Variants in SCFD2 observed in about 807,000 individuals in gnomAD.
SCFD2 encodes the protein sec1 family domain-containing protein 2.
In SCFD2, 54 loss-of-function variants were observed where a neutral mutation model predicts 58.9. The observed-to-expected ratio is 0.92, with a 90% confidence interval of 0.74 to 1.15. The LOEUF (loss-of-function observed/expected upper bound fraction) is 1.15. Among genes scored for constraint, SCFD2 ranks in the 50% most tolerant of loss-of-function variants. SCFD2 has a pLI of 0.00. For missense variants in SCFD2, 805 were observed against 836.6 expected, an observed-to-expected ratio of 0.96 and a Z score of 0.47; for synonymous variants, 321 against 335.9, an observed-to-expected ratio of 0.96 and a Z score of 0.49.
chr4:52,948,525 A>T, intron 5 of SCFD2: 1 of 456,540 alleles, frequency 2.2e-6, no homozygotes. Context: ...GTGAAAATGC[A>T]ATTTAATCTG....
intron 2 of SCFD2, among the ~76,000 whole-genome samples, chr4:53,350,488 T>C (rs1161610456): frequency 2.0e-5 from 3 of 152,246 alleles, no homozygotes; most frequent in East Asian, 3.9e-4. Flanking sequence ...TTCATTCTTT[T>C]AGCTACCCAA....
At chr4:53,189,004 A>G (rs1727816949) in intron 4 of SCFD2, among the ~76,000 whole-genome samples, 1 of 152,192 alleles carries the variant, frequency 6.6e-6, no homozygotes, top group African/African-American at 2.4e-5. Context: ...AGGAATGCTC[A>G]TGCAATGTAT....
chr4:52,995,204 G>C (rs114303726), intron 5 of SCFD2, among the ~76,000 whole-genome samples: 5,646 of 152,250 alleles, frequency 0.037, 149 homozygotes, highest in Admixed American at 0.064. Flanking sequence ...TCCCATCTGG[G>C]AGTGATGGGA....
At chr4:53,234,847 A>T (rs1729547230) in intron 4 of SCFD2, among the ~76,000 whole-genome samples, 1 of 152,264 alleles carries the variant, frequency 6.6e-6, no homozygotes, top group Non-Finnish European at 1.5e-5. Flanking sequence ...TAGTTCACCT[A>T]CTATCACAGA....
intron 3 of SCFD2, among the ~76,000 whole-genome samples, chr4:53,274,276 G>A (rs1731264140): frequency 1.3e-5 from 2 of 152,260 alleles, no homozygotes; most frequent in Non-Finnish European, 2.9e-5. Context: ...TTATCATTAT[G>A]TAATACTCTG....
At chr4:53,252,527 C>CA (rs1329117268) in intron 4 of SCFD2, among the ~76,000 whole-genome samples, 2 of 149,788 alleles carry the variant, frequency 1.3e-5, no homozygotes, top group Non-Finnish European at 1.5e-5. Flanking sequence ...GTACTGGTAC[C>CA]AAAACAGAGA....
At chr4:53,273,658 GA>G (rs35872769) in intron 4 of SCFD2, 167 bp downstream of exon 4, 1 of 590,398 alleles carries the variant, frequency 1.7e-6, no homozygotes, top group Non-Finnish European at 2.7e-6. Flanking sequence ...AAACAGGTGT[GA>G]AAAAAGTTTC....
intron 5 of SCFD2, among the ~76,000 whole-genome samples, chr4:53,026,611 T>C (rs1452869391): frequency 6.6e-6 from 1 of 152,166 alleles, no homozygotes; most frequent in Non-Finnish European, 1.5e-5. Flanking sequence ...GTGGATAAAA[T>C]TACAGTGAGA....
intron 4 of SCFD2, among the ~76,000 whole-genome samples, chr4:53,244,405 A>C (rs1729997788): frequency 6.6e-6 from 1 of 152,212 alleles, no homozygotes; most frequent in Non-Finnish European, 1.5e-5. Context: ...CTCAGACCAC[A>C]GTATAATAAA....
chr4:53,238,195 C>T (rs1729734498), intron 4 of SCFD2, among the ~76,000 whole-genome samples: 1 of 142,966 alleles, frequency 7.0e-6, no homozygotes, highest in East Asian at 2.3e-4. Context: ...CCCCCCACCT[C>T]CCTCCCGGAC....
chr4:52,884,422 A>G (rs1718686679), intron 8 of SCFD2, among the ~76,000 whole-genome samples: 2 of 142,712 alleles, frequency 1.4e-5, no homozygotes, highest in South Asian at 4.5e-4. Context: ...TGAGAGTGGA[A>G]GGGAAGACAT....
Position 53,365,614 on chromosome 4 carries a change from C to T in SCFD2, c.328G>A (p.Ala110Thr). The T allele has an allele frequency of 6.2e-7, 1 of 1,614,206 alleles. No individual in the cohort carries two copies. The highest frequency in any genetic ancestry group is 8.5e-7 in the Non-Finnish European group (1 of 1,180,038). Residue 110 changes from alanine to threonine, a missense_variant, in exon 1 of 9, where the codon GCT becomes ACT. Ala to Thr is a moderately conservative substitution (Grantham distance 58). Coordinates refer to ENST00000401642, the MANE Select transcript of SCFD2 (RefSeq NM_152540.4). The surrounding 1 kb of genome is among the most constrained non-coding windows in gnomAD (Gnocchi z 4.3). ...ACATGATTAGCTGTGAGGTGGACAG[C>T]GTGGCTCACGGTTGTGACCACCACA... Reference protein sequence around the residue: ...YCVVVTTVSHAVHLTANHVPA... With the variant: ...YCVVVTTVSHTVHLTANHVPA...
intron 4 of SCFD2, among the ~76,000 whole-genome samples, chr4:53,164,722 T>G (rs12650397): frequency 0.11 from 14,951 of 137,070 alleles, 882 homozygotes; most frequent in East Asian, 0.25. Flanking sequence ...AACCTGGAGG[T>G]GGAGGTTGCA....
intron 5 of SCFD2, among the ~76,000 whole-genome samples, chr4:53,005,701 A>G (rs1721957018): frequency 1.3e-5 from 2 of 152,150 alleles, no homozygotes; most frequent in South Asian, 4.1e-4. Flanking sequence ...AAAACATTCA[A>G]TCAGAGAGAC....
At position 52,904,640 on chromosome 4, in the gene SCFD2, G is replaced by T. The variant is rs78581563; in HGVS notation, c.1842+2817C>A. Among the ~76,000 whole-genome samples, 1,284 of 152,316 alleles carry T rather than the reference G, an allele frequency of 8.4e-3. 23 individuals are homozygous for T. Among genetic ancestry groups the T allele is most frequent in the African/African-American group, 0.029 (1,222 of 41,566 alleles). On this transcript the variant is annotated intron_variant, in intron 7 of 8. Coordinates refer to ENST00000401642, the MANE Select transcript of SCFD2 (RefSeq NM_152540.4). ...GCCCAGGCATAGATTTTATTCATGA[G>T]CTGGATAGATACTGGAAAGGCAGAG...
At chr4:52,949,714 G>A (rs1720537540) in intron 5 of SCFD2, 1 of 152,190 alleles carries the variant, frequency 6.6e-6, no homozygotes, top group South Asian at 2.1e-4. Flanking sequence ...GGACATGCAG[G>A]GACAGAAGGG....
chr4:53,167,337 A>C (rs1365604640), intron 4 of SCFD2, among the ~76,000 whole-genome samples: 1 of 152,200 alleles, frequency 6.6e-6, no homozygotes, highest in African/African-American at 2.4e-5. Context: ...AAGGATTTCC[A>C]GACATGTATT....
At chr4:52,970,150 G>A (rs576770358) in intron 5 of SCFD2, among the ~76,000 whole-genome samples, 1 of 152,304 alleles carries the variant, frequency 6.6e-6, no homozygotes, top group Admixed American at 6.5e-5. Context: ...CATCTCACTG[G>A]GGAGTGTTGG....
intron 4 of SCFD2, among the ~76,000 whole-genome samples, chr4:53,238,114 C>T (rs1729726169): frequency 2.3e-5 from 3 of 130,616 alleles, no homozygotes; most frequent in African/African-American, 2.9e-5. Context: ...TCCTCACTTC[C>T]CAGTAGGGGT....
Sources: gnomAD v4.1 joint callset for allele counts (sites outside exome capture counted in the v4.1 genomes callset) on GRCh38, gnomAD v4.1.1 for gene constraint, Gnocchi (gnomAD v3.1) non-coding constraint, MANE v1.5 for transcripts, NCBI Gene and HGNC (gene_info 2026-07-23, HGNC 2026-07-21) for gene names.